Variants in NEDD4 observed in about 807,000 individuals in gnomAD.
The protein encoded by NEDD4 is NEDD4 E3 ubiquitin protein ligase.
NEDD4 carries 99 observed loss-of-function variants against 144.9 expected under a neutral mutation model. That is an observed-to-expected ratio of 0.68 (90% CI 0.58 to 0.81). The LOEUF is 0.81. Ranked by LOEUF, NEDD4 falls within the 30% of genes least tolerant of loss-of-function variation. NEDD4 has a pLI of 0.00. For synonymous variants in NEDD4, 318 were observed against 350.6 expected (o/e 0.91, Z 1.04); for missense variants, 985 against 1,065.9 (o/e 0.92, Z 1.06).
chr15:55,914,562 A>G (rs986160659), intron 5 of NEDD4, among the ~76,000 whole-genome samples: 2 of 151,988 alleles, frequency 1.3e-5, no homozygotes, highest in Admixed American at 1.3e-4. Flanking sequence ...TAAAACTTAG[A>G]ATTCAATATT....
Position 55,893,055 on chromosome 15 carries a change from AC to A in NEDD4, c.292-19048del, listed in dbSNP as rs551946624. On this transcript the variant is annotated intron_variant, in intron 5 of 28. Transcript: ENST00000435532. ...TAACAATAAAGATTACAGTAAACTA[AC>A]CTGAGATAGAAACAGATCTTAGTGA... Among the ~76,000 whole-genome samples the A allele has an allele frequency of 7.2e-5, 11 of 152,268 alleles. No homozygotes were observed. The East Asian group carries it at 2.1e-3, about 29-fold the overall frequency.
intron 5 of NEDD4, among the ~76,000 whole-genome samples, chr15:55,897,197 T>C (rs2035766065): frequency 6.6e-6 from 1 of 152,102 alleles, no homozygotes; most frequent in Non-Finnish European, 1.5e-5. Flanking sequence ...ATGGTCTCGA[T>C]CTCCTGACCT....
intron 4 of NEDD4, among the ~76,000 whole-genome samples, chr15:55,945,402 G>A (rs1173995346): frequency 1.3e-5 from 2 of 152,128 alleles, no homozygotes; most frequent in Admixed American, 6.5e-5. Flanking sequence ...TCAAGTGGAA[G>A]AAAGGCTATC....
At chr15:55,932,505 T>C (rs2036802580) in intron 4 of NEDD4, among the ~76,000 whole-genome samples, 1 of 152,238 alleles carries the variant, frequency 6.6e-6, no homozygotes, top group African/African-American at 2.4e-5. Flanking sequence ...TTACACCTTA[T>C]ACGAAAATTA....
Position 55,862,935 on chromosome 15 carries a change from G to C in NEDD4, c.652C>G (p.Gln218Glu). 5.0e-6 allele frequency: 8 copies of C among 1,608,024 alleles called. No homozygotes were observed. Among genetic ancestry groups the C allele is most frequent in the Non-Finnish European group, 6.8e-6 (8 of 1,176,106 alleles). The change falls in exon 9 of 29, where the codon CAG becomes GAG. Residue 218 changes from glutamine (Q) to glutamate (E), a missense_variant. Physicochemically the swap from Gln to Glu is conservative, Grantham distance 29 (BLOSUM62 2). Coordinates refer to ENST00000435532, the MANE Select transcript of NEDD4 (RefSeq NM_006154.4). ...TACTGAGGGGTTGGTCTTTTCCACT[G>C]TGTTCTTCTAGATTCATGGTTTACA... is the stretch of plus-strand genomic sequence containing the variant. ...YYVNHESRRT[Q>E]WKRPTPQDNL...
At chr15:55,849,149 A>G (rs2033876164) in intron 14 of NEDD4, among the ~76,000 whole-genome samples, 2 of 152,202 alleles carry the variant, frequency 1.3e-5, no homozygotes, top group South Asian at 4.1e-4. Flanking sequence ...CTCTTTAGGA[A>G]ATGTGTCACT....
chr15:55,835,506 C>T (rs2033155085), intron 24 of NEDD4, among the ~76,000 whole-genome samples: 1 of 151,510 alleles, frequency 6.6e-6, no homozygotes, highest in South Asian at 2.1e-4. Flanking sequence ...CTGGTGTTCC[C>T]AGGTCTCTCT....
rs568841865 is a variant in NEDD4, at chr15:55,979,991, A to G, written c.46-13445T>C. ...AGTGGCGCAATCTCGGCTCACTGCA[A>G]CCTCTGCCTCCTAGGCTCAAGTGAT... On this transcript the variant is annotated intron_variant, in intron 1 of 28. Transcript: ENST00000435532. 2.9e-3 allele frequency among the ~76,000 whole-genome samples: 442 copies of G among 151,998 alleles called. 4 individuals carry two copies. The highest frequency in any genetic ancestry group is 5.3e-3 in the Non-Finnish European group (362 of 67,984).
At chr15:55,958,432 G>T (rs2037373669) in intron 2 of NEDD4, among the ~76,000 whole-genome samples, 1 of 152,112 alleles carries the variant, frequency 6.6e-6, no homozygotes, top group South Asian at 2.1e-4. Context: ...CATCTATGTT[G>T]ACAGATATTG....
chr15:55,852,880 G>T (rs180838964), intron 12 of NEDD4, among the ~76,000 whole-genome samples: 11 of 151,944 alleles, frequency 7.2e-5, no homozygotes, highest in Admixed American at 7.2e-4. Context: ...CTCCTGAGTA[G>T]CTGGGATTAC....
intron 5 of NEDD4, among the ~76,000 whole-genome samples, chr15:55,898,499 A>G (rs187228348): frequency 1.3e-5 from 2 of 152,342 alleles, no homozygotes; most frequent in Non-Finnish European, 2.9e-5. Flanking sequence ...GATGCTTACA[A>G]TAATTTCAAC....
chr15:55,841,586 T>C (rs1466233585), intron 19 of NEDD4, among the ~76,000 whole-genome samples: 4 of 152,130 alleles, frequency 2.6e-5, no homozygotes, highest in Non-Finnish European at 4.4e-5. Flanking sequence ...ATGGCTAAAA[T>C]GGTAACTTTT....
rs753670752 is a variant in NEDD4, at chr15:55,916,417, G to A, written c.291+8229C>T. 4.3e-6 allele frequency: 7 copies of A among 1,613,862 alleles called. No homozygotes were observed. In the African/African-American group the frequency reaches 6.7e-5, roughly 15 times the overall value. The stretch of plus-strand genomic sequence containing the variant: ...CAAATGGCTGGACTGCTTACAAGGT[G>A]ACCATCATTCACAGCATTCAATTCA... On this transcript the variant is annotated intron_variant, in intron 5 of 28. Transcript: ENST00000435532.
chr15:55,912,156 T>C (rs1354198916), intron 5 of NEDD4, among the ~76,000 whole-genome samples: 1 of 152,228 alleles, frequency 6.6e-6, no homozygotes, highest in Non-Finnish European at 1.5e-5. Context: ...TAAATTACAT[T>C]GGTTTATATA....
intron 5 of NEDD4, among the ~76,000 whole-genome samples, chr15:55,922,504 A>G (rs1317458774): frequency 1.3e-5 from 2 of 152,102 alleles, no homozygotes; most frequent in Non-Finnish European, 2.9e-5. Flanking sequence ...CTGGGACTAC[A>G]GGTGCCCACC....
intron 2 of NEDD4, 115 bp from the exon 3 acceptor site, chr15:55,951,704 T>G (rs1448825723): frequency 2.6e-6 from 2 of 779,824 alleles, no homozygotes; most frequent in Non-Finnish European, 3.7e-6. Context: ...CTACAATTAT[T>G]TCCTGAATTT....
intron 4 of NEDD4, among the ~76,000 whole-genome samples, chr15:55,936,546 T>C (rs1432767642): frequency 6.6e-6 from 1 of 152,162 alleles, no homozygotes; most frequent in Non-Finnish European, 1.5e-5. Context: ...TTATATTACT[T>C]CTATAACATA....
intron 5 of NEDD4, among the ~76,000 whole-genome samples, chr15:55,904,491 C>T (rs1397182722): frequency 3.9e-5 from 6 of 151,904 alleles, no homozygotes; most frequent in South Asian, 2.1e-4. Flanking sequence ...TCAGTAGAGA[C>T]GAGGTTTTAC....
intron 5 of NEDD4, among the ~76,000 whole-genome samples, chr15:55,909,692 C>T (rs564162149): frequency 1.3e-5 from 2 of 152,268 alleles, no homozygotes; most frequent in South Asian, 4.1e-4. Context: ...TTCCCTGTCA[C>T]CTGTGATGTA....
Sources: allele counts gnomAD v4.1 joint callset (sites outside exome capture counted in the v4.1 genomes callset), GRCh38; gene constraint gnomAD v4.1.1; transcripts MANE v1.5; gene names NCBI Gene and HGNC (gene_info 2026-07-23, HGNC 2026-07-21).